The following ROBO2 variants were observed in gnomAD, a reference collection of about 807,000 sequenced individuals.
ROBO2 encodes the protein roundabout homolog 2.
ROBO2 carries 53 observed loss-of-function variants against 160.8 expected under a neutral mutation model. The observed-to-expected ratio is 0.33, with a 90% CI of 0.26 to 0.41. The LOEUF is 0.41. ROBO2 is among the 10% of genes least tolerant of loss of function. The pLI, the probability that ROBO2 is intolerant of heterozygous loss-of-function variation, is 1.00. For missense variants in ROBO2, 1,577 were observed against 1,722.4 expected, an observed-to-expected ratio of 0.92 and a Z score of 1.49; for synonymous variants, 664 against 611.7, an observed-to-expected ratio of 1.09 and a Z score of -1.26.
chr3:77,453,191 A>G (rs2153564066), intron 2 of ROBO2, among the ~76,000 whole-genome samples: 1 of 152,304 alleles, frequency 6.6e-6, no homozygotes, highest in East Asian at 1.9e-4. Flanking sequence ...AAATACTCAT[A>G]AAACAAAATA....
intron 2 of ROBO2, among the ~76,000 whole-genome samples, chr3:77,165,118 A>G (rs1178171918): frequency 4.6e-5 from 7 of 151,910 alleles, no homozygotes; most frequent in Non-Finnish European, 8.8e-5. Flanking sequence ...GTGGAATGGA[A>G]AGGGGGGAAA....
chr3:75,950,574 T>A lies in ROBO2; in HGVS notation c.109+12972T>A, dbSNP rs1948496683. Among the ~76,000 whole-genome samples the A allele has an allele frequency of 1.0e-4, 12 of 115,848 alleles. No individual in the cohort carries two copies. In the South Asian group the frequency reaches 3.0e-3, roughly 29 times the overall value. 76.0% of individuals were successfully genotyped at this position (115,848 alleles called of 152,430 possible). On this transcript the variant is annotated intron_variant, in intron 2 of 26. Coordinates refer to the ROBO2 transcript ENST00000487694. ...GTAGATCTCTTAATATTGAAATGTTTAGAACTGAGTACAGCAGGTCTTTGA... is the reference window on the plus strand; with the variant it reads ...GTAGATCTCTTAATATTGAAATGTTAAGAACTGAGTACAGCAGGTCTTTGA...
chr3:76,649,884 G>T (rs2091172612), intron 2 of ROBO2, among the ~76,000 whole-genome samples: 1 of 152,036 alleles, frequency 6.6e-6, no homozygotes, highest in Non-Finnish European at 1.5e-5. Flanking sequence ...TCCATGAATA[G>T]TAATATTATA....
At chr3:76,391,211 G>A (rs182514085) in intron 2 of ROBO2, among the ~76,000 whole-genome samples, 269 of 152,116 alleles carry the variant, frequency 1.8e-3, no homozygotes, top group Non-Finnish European at 2.5e-3. Flanking sequence ...AAACAGGGCC[G>A]TATACATCTG....
chr3:77,148,933 A>T (rs1259830812), intron 2 of ROBO2, among the ~76,000 whole-genome samples: 1 of 152,104 alleles, frequency 6.6e-6, no homozygotes, highest in Non-Finnish European at 1.5e-5. Flanking sequence ...TTGATGTTGG[A>T]GTTATAATTA....
chr3:77,254,965 T>C (rs1339384290), intron 2 of ROBO2, among the ~76,000 whole-genome samples: 2 of 152,226 alleles, frequency 1.3e-5, no homozygotes. Flanking sequence ...TTCCTCTATC[T>C]GTCTTTTCTG....
At chr3:75,953,127 T>C (rs748414303) in intron 2 of ROBO2, among the ~76,000 whole-genome samples, 4 of 151,956 alleles carry the variant, frequency 2.6e-5, no homozygotes, top group Non-Finnish European at 4.4e-5. Flanking sequence ...TTTAAGTAAA[T>C]ACCAGGGAAT....
chr3:76,837,762 G>T (rs1384907993), intron 2 of ROBO2, among the ~76,000 whole-genome samples: 25 of 151,876 alleles, frequency 1.6e-4, no homozygotes, highest in African/African-American at 6.0e-4. Flanking sequence ...CATAACCACA[G>T]TATAGTTATG....
intron 2 of ROBO2, among the ~76,000 whole-genome samples, chr3:76,087,543 A>G (rs2069062460): frequency 6.6e-6 from 1 of 152,082 alleles, no homozygotes; most frequent in African/African-American, 2.4e-5. Context: ...AGAAAGAAGG[A>G]AAATGATACA....
At chr3:76,077,664 AAAG>A (rs1347309373) in intron 2 of ROBO2, among the ~76,000 whole-genome samples, 5 of 152,192 alleles carry the variant, frequency 3.3e-5, no homozygotes, top group Admixed American at 1.3e-4. Context: ...TTATTTAAAA[AAAG>A]AAGTAATATA....
intron 2 of ROBO2, among the ~76,000 whole-genome samples, chr3:76,159,279 A>G (rs2072527737): frequency 6.6e-6 from 1 of 152,192 alleles, no homozygotes; most frequent in Non-Finnish European, 1.5e-5. Flanking sequence ...CCTTTCATAC[A>G]AGCCCATGAA....
chr3:77,541,930 G>A (rs904231487), intron 6 of ROBO2, among the ~76,000 whole-genome samples: 2 of 151,652 alleles, frequency 1.3e-5, no homozygotes, highest in African/African-American at 2.4e-5. Context: ...TGGAATTGTC[G>A]TCTTGAGGAC....
intron 2 of ROBO2, among the ~76,000 whole-genome samples, chr3:77,428,806 G>C (rs1294705167): frequency 6.6e-6 from 1 of 152,096 alleles, no homozygotes; most frequent in Admixed American, 6.6e-5. Context: ...TCTATTGCAT[G>C]CCAAGATTAT....
At position 76,798,323 on chromosome 3, in the gene ROBO2, G is replaced by A. The variant is rs145225960; in HGVS notation, c.110-299691G>A. On this transcript the variant is annotated intron_variant, in intron 2 of 26. Coordinates refer to the ROBO2 transcript ENST00000487694. The stretch of plus-strand genomic sequence containing the variant: ...AAGAAAGAAAGAAAGAAAAAAGAAC[G>A]AATGAACTAAAGGCCAATATTTATG... Among the ~76,000 whole-genome samples the A allele has an allele frequency of 1.6e-3, 187 of 119,828 alleles. 1 individual carries two copies. The Middle Eastern group carries it at 0.029, about 18-fold the overall frequency. 78.6% of individuals were successfully genotyped at this position (119,828 alleles called of 152,430 possible).
intron 2 of ROBO2, among the ~76,000 whole-genome samples, chr3:77,471,281 C>A (rs1172244081): frequency 6.6e-6 from 1 of 152,036 alleles, no homozygotes; most frequent in Non-Finnish European, 1.5e-5. Context: ...TAAGACAAAA[C>A]AGAGAGGGTT....
intron 2 of ROBO2, among the ~76,000 whole-genome samples, chr3:77,005,228 G>A (rs967281836): frequency 6.6e-6 from 1 of 152,154 alleles, no homozygotes; most frequent in Non-Finnish European, 1.5e-5. Context: ...TGGTGCGCCA[G>A]GTGCTGCATT....
intron 2 of ROBO2, among the ~76,000 whole-genome samples, chr3:76,892,369 G>T (rs2074414964): frequency 6.6e-6 from 1 of 152,112 alleles, no homozygotes; most frequent in Middle Eastern, 3.4e-3. Flanking sequence ...CACCAATTTC[G>T]ACCTGTCATC....
At chr3:76,871,968 T>C (rs2072145801) in intron 2 of ROBO2, among the ~76,000 whole-genome samples, 1 of 152,236 alleles carries the variant, frequency 6.6e-6, no homozygotes, top group African/African-American at 2.4e-5. Flanking sequence ...TTTAAAATTT[T>C]CTTTCATTCT....
At chr3:76,763,258 AC>A (rs2061402413) in intron 2 of ROBO2, among the ~76,000 whole-genome samples, 1 of 151,732 alleles carries the variant, frequency 6.6e-6, no homozygotes, top group African/African-American at 2.4e-5. Context: ...GATGCCAACT[AC>A]CCATTGCACC....
Sources: allele counts gnomAD v4.1 joint callset (sites outside exome capture counted in the v4.1 genomes callset), GRCh38; gene constraint gnomAD v4.1.1; transcripts MANE v1.5; gene names NCBI Gene and HGNC (gene_info 2026-07-23, HGNC 2026-07-21).